KCNJ6: variants seen among roughly 807,000 people sequenced by gnomAD.
KCNJ6 encodes potassium inwardly rectifying channel subfamily J member 6, also known as G protein-activated inward rectifier potassium channel 2.
In KCNJ6, 9 loss-of-function variants were observed where a neutral mutation model predicts 34.2. The ratio of observed to expected loss-of-function variants is 0.26; its 90% CI spans 0.16 to 0.46. KCNJ6 has a LOEUF of 0.46. Among genes scored for constraint, KCNJ6 ranks in the 20% least tolerant of loss-of-function variants. The probability of loss-of-function intolerance (pLI) is 1.00; values close to 1 mark genes in which losing one functional copy is unlikely to be tolerated. For missense variants in KCNJ6, 236 were observed against 531.3 expected, an observed-to-expected ratio of 0.44 and a Z score of 5.46; for synonymous variants, 196 against 207.1, an observed-to-expected ratio of 0.95 and a Z score of 0.46.
chr21:37,848,247 G>T (rs981288), intron 1 of KCNJ6, among the ~76,000 whole-genome samples: 15,385 of 152,258 alleles, frequency 0.1, 957 homozygotes, highest in African/African-American at 0.18. Flanking sequence ...GCTCTCCTGT[G>T]AGCCCGGGGA....
chr21:37,694,979 C>A (rs1034696954), intron 3 of KCNJ6, among the ~76,000 whole-genome samples: 3 of 152,212 alleles, frequency 2.0e-5, no homozygotes, highest in Admixed American at 6.5e-5. Flanking sequence ...TTCCAGCCTC[C>A]AGACTGTTAG....
chr21:37,614,715 C>G lies in KCNJ6; in HGVS notation c.*10444G>C, dbSNP rs2054258793. Reference sequence around the variant, plus strand: ...ATGTCTTGGTGTGTGTATGCATGTGCATGTATGCGTGTGTGTGTATGCGCA... The same window carrying G: ...ATGTCTTGGTGTGTGTATGCATGTGGATGTATGCGTGTGTGTGTATGCGCA... On this transcript the variant is annotated 3_prime_UTR_variant, in exon 4 of 4. Coordinates refer to ENST00000609713, the MANE Select transcript of KCNJ6 (RefSeq NM_002240.5). 9.6e-6 allele frequency: 1 copy of G among 104,020 alleles called. No homozygotes were observed. Among genetic ancestry groups the G allele is most frequent in the African/African-American group, 3.6e-5 (1 of 27,844 alleles). 6.4% of individuals were successfully genotyped at this position (104,020 alleles called of 1,614,324 possible).
chr21:37,654,400 G>C (rs1267964983), intron 3 of KCNJ6, among the ~76,000 whole-genome samples: 1 of 143,798 alleles, frequency 7.0e-6, no homozygotes, highest in African/African-American at 2.7e-5. Flanking sequence ...TCTCTCTGCT[G>C]TCTTGACATT....
intron 2 of KCNJ6, among the ~76,000 whole-genome samples, chr21:37,748,805 G>A (rs569424398): frequency 3.5e-4 from 53 of 152,206 alleles, no homozygotes; most frequent in Admixed American, 1.5e-3. Context: ...GGTCTGAGTT[G>A]CCCTACGGAG....
chr21:37,820,537 A>G (rs1431932305), intron 2 of KCNJ6, among the ~76,000 whole-genome samples: 2 of 152,178 alleles, frequency 1.3e-5, no homozygotes, highest in East Asian at 1.9e-4. Flanking sequence ...TCAGCAGCAC[A>G]TCGGGGATCC....
At chr21:37,631,600 G>A (rs1192236064) in intron 3 of KCNJ6, among the ~76,000 whole-genome samples, 2 of 152,160 alleles carry the variant, frequency 1.3e-5, no homozygotes, top group African/African-American at 4.8e-5. Flanking sequence ...CAAAACTTGA[G>A]GAATGAATCG....
intron 2 of KCNJ6, among the ~76,000 whole-genome samples, chr21:37,778,434 G>A (rs932417281): frequency 6.7e-6 from 1 of 149,516 alleles, no homozygotes; most frequent in Non-Finnish European, 1.5e-5. Flanking sequence ...TTCTGGAGGC[G>A]TTTCTCTTAT....
intron 2 of KCNJ6, among the ~76,000 whole-genome samples, chr21:37,771,274 T>G (rs1008190643): frequency 3.3e-5 from 5 of 152,158 alleles, no homozygotes; most frequent in African/African-American, 1.2e-4. Flanking sequence ...CAGTTGACTT[T>G]GAGTGTGAGA....
chr21:37,813,569 G>C (rs1005256606), intron 2 of KCNJ6, among the ~76,000 whole-genome samples: 3 of 152,104 alleles, frequency 2.0e-5, no homozygotes, highest in African/African-American at 7.2e-5. Flanking sequence ...TAGATCAATG[G>C]AACAGAATAG....
chr21:37,859,513 AT>A (rs1568875076), intron 1 of KCNJ6, among the ~76,000 whole-genome samples: 11 of 122,290 alleles, frequency 9.0e-5, no homozygotes, highest in South Asian at 4.9e-4. Context: ...ATATATATAT[AT>A]ATATATATAT....
chr21:37,705,874 T>C (rs1299123321), intron 3 of KCNJ6, among the ~76,000 whole-genome samples: 2 of 152,184 alleles, frequency 1.3e-5, no homozygotes, highest in Admixed American at 6.5e-5. Context: ...AATGTGACAT[T>C]TTATATCAGG....
chr21:37,674,285 A>C (rs1446976742), intron 3 of KCNJ6, among the ~76,000 whole-genome samples: 3 of 152,162 alleles, frequency 2.0e-5, no homozygotes, highest in African/African-American at 7.2e-5. Context: ...TTAGCATTGA[A>C]TGTCCCACAT....
At chr21:37,658,389 A>G (rs2054473692) in intron 3 of KCNJ6, among the ~76,000 whole-genome samples, 1 of 152,222 alleles carries the variant, frequency 6.6e-6, no homozygotes, top group Admixed American at 6.5e-5. Flanking sequence ...CTTTGCAGCC[A>G]TTTAAAATGG....
intron 2 of KCNJ6, among the ~76,000 whole-genome samples, chr21:37,805,109 AG>A (rs1304447648): frequency 6.6e-6 from 1 of 152,150 alleles, no homozygotes; most frequent in African/African-American, 2.4e-5. Flanking sequence ...TTGCCAGGAA[AG>A]GGGGCAGGTG....
At chr21:37,824,686 A>C (rs908319566) in intron 2 of KCNJ6, among the ~76,000 whole-genome samples, 2 of 152,050 alleles carry the variant, frequency 1.3e-5, no homozygotes, top group African/African-American at 4.8e-5. Context: ...TCCTGCGCAC[A>C]CTTTCTTTCC....
At chr21:37,868,821 C>T (rs559956266) in intron 1 of KCNJ6, among the ~76,000 whole-genome samples, 35 of 152,136 alleles carry the variant, frequency 2.3e-4, no homozygotes, top group East Asian at 5.8e-4. Flanking sequence ...AGGACAGAGG[C>T]GCTGGCAATC....
At chr21:37,852,285 C>G (rs1348753053) in intron 1 of KCNJ6, among the ~76,000 whole-genome samples, 1 of 152,172 alleles carries the variant, frequency 6.6e-6, no homozygotes. Flanking sequence ...CCACACGGTT[C>G]TGGTAATAAT....
At position 37,776,709 on chromosome 21, in the gene KCNJ6, T is replaced by G. The variant is rs140658325; in HGVS notation, c.26-61578A>C. Among the ~76,000 whole-genome samples the G allele has an allele frequency of 2.0e-5, 3 of 152,310 alleles. No individual in the cohort carries two copies. In the East Asian group the frequency reaches 5.8e-4, roughly 29 times the overall value. On this transcript the variant is annotated intron_variant, in intron 2 of 3. Transcript: ENST00000609713. ...CCCAGGGATGAAGCCCACTTAATTA[T>G]GGTGGATAAGCTTTTTGATGTGCTG...
chr21:37,616,747 G>A lies in KCNJ6; in HGVS notation c.*8412C>T, dbSNP rs1274413473. 1 of 151,056 alleles carries A rather than the reference G, an allele frequency of 6.6e-6. No homozygotes were observed. The highest frequency in any genetic ancestry group is 1.5e-5 in the Non-Finnish European group (1 of 67,886). The allele number at this position is 151,056 out of a possible 1,614,324, so 9.4% of individuals were successfully genotyped here. ...AAATGATATTAACCTTCCAACGGGG[G>A]TGCCAGGAAAAGTGAAGTTTTCGTG... On this transcript the variant is annotated 3_prime_UTR_variant, in exon 4 of 4. Transcript: ENST00000609713.
Sources: gnomAD v4.1 joint callset for allele counts (sites outside exome capture counted in the v4.1 genomes callset) on GRCh38, gnomAD v4.1.1 for gene constraint, MANE v1.5 for transcripts, NCBI Gene and HGNC (gene_info 2026-07-23, HGNC 2026-07-21) for gene names.